CNTN1: variants seen among roughly 807,000 people sequenced by gnomAD.
CNTN1 encodes the protein contactin 1, also known as contactin-1.
CNTN1 carries 38 observed loss-of-function variants against 126.4 expected under a neutral mutation model. That is an observed-to-expected ratio of 0.30 (90% confidence interval 0.23 to 0.39). The LOEUF is 0.39. Ranked by LOEUF, CNTN1 falls within the 10% of genes least tolerant of loss-of-function variation. CNTN1 has a pLI of 1.00. For missense variants in CNTN1, 1,009 were observed against 1,248.4 expected (o/e 0.81, Z 2.89); for synonymous variants, 413 against 422.6 (o/e 0.98, Z 0.28).
intron 14 of CNTN1, among the ~76,000 whole-genome samples, chr12:40,953,547 T>A (rs1226809721): frequency 2.6e-5 from 4 of 152,184 alleles, no homozygotes; most frequent in African/African-American, 9.7e-5. Context: ...GTTTTATTGC[T>A]ACATGTTCAC....
At chr12:40,775,203 A>G (rs1470288105) in intron 1 of CNTN1, among the ~76,000 whole-genome samples, 5 of 151,378 alleles carry the variant, frequency 3.3e-5, no homozygotes, top group African/African-American at 1.2e-4. Flanking sequence ...TATGGAGGAG[A>G]GATTTTAAAA....
intron 23 of CNTN1, among the ~76,000 whole-genome samples, chr12:41,041,509 C>A (rs1050091238): frequency 3.9e-5 from 6 of 152,078 alleles, no homozygotes; most frequent in African/African-American, 1.4e-4. Context: ...TCTCCTTGTA[C>A]CTCTGGTAGA....
chr12:41,046,847 C>CTTTTTTTT (rs56655599), intron 23 of CNTN1, among the ~76,000 whole-genome samples: 173 of 118,932 alleles, frequency 1.5e-3, no homozygotes, highest in East Asian at 2.4e-3. Context: ...TTGCTTATTT[C>CTTTTTTTT]TTTTTTTTTT....
chr12:41,011,312 G>T (rs1004641790), intron 17 of CNTN1, among the ~76,000 whole-genome samples: 3 of 152,158 alleles, frequency 2.0e-5, no homozygotes, highest in Non-Finnish European at 2.9e-5. Flanking sequence ...TAGTAAGAAG[G>T]CCATGCCCTT....
intron 16 of CNTN1, among the ~76,000 whole-genome samples, chr12:40,986,211 C>T (rs1271909821): frequency 6.6e-6 from 1 of 152,170 alleles, no homozygotes; most frequent in East Asian, 1.9e-4. Context: ...TAAAGTCTAG[C>T]TCTGTTGATT....
At chr12:40,794,738 G>A (rs190813325) in intron 1 of CNTN1, among the ~76,000 whole-genome samples, 211 of 151,984 alleles carry the variant, frequency 1.4e-3, no homozygotes, top group Non-Finnish European at 2.4e-3. Context: ...CTTACTTCTA[G>A]TAGCTCCCAT....
chr12:40,845,574 C>T (rs73273561), intron 1 of CNTN1, among the ~76,000 whole-genome samples: 163 of 146,948 alleles, frequency 1.1e-3, no homozygotes, highest in African/African-American at 3.8e-3. Flanking sequence ...GAATAAAGCT[C>T]CTAGATAGCC....
intron 1 of CNTN1, among the ~76,000 whole-genome samples, chr12:40,896,305 C>G: frequency 6.6e-6 from 1 of 151,816 alleles, no homozygotes; most frequent in East Asian, 1.9e-4. Flanking sequence ...TTTTTTCCCT[C>G]TCTCTCAGAA....
intron 23 of CNTN1, among the ~76,000 whole-genome samples, chr12:41,058,633 A>C (rs1390700875): frequency 1.3e-5 from 2 of 152,140 alleles, no homozygotes; most frequent in African/African-American, 4.8e-5. Context: ...AAGAACTTAA[A>C]ATTTCAAGGT....
chr12:40,692,844 G>A (rs2051603563), intron 1 of CNTN1, among the ~76,000 whole-genome samples: 1 of 152,148 alleles, frequency 6.6e-6, no homozygotes, highest in Admixed American at 6.5e-5. Flanking sequence ...AGAGGGCTCC[G>A]AGCTCGGGGT....
chr12:40,797,142 G>A (rs1158833823), intron 1 of CNTN1, among the ~76,000 whole-genome samples: 1 of 152,002 alleles, frequency 6.6e-6, no homozygotes, highest in African/African-American at 2.4e-5. Flanking sequence ...GTGATAAATA[G>A]CAGAGATATG....
chr12:40,780,219 G>C lies in CNTN1; in HGVS notation c.-77+87627G>C, dbSNP rs918766010. Among the ~76,000 whole-genome samples, 3 of 151,858 alleles carry C rather than the reference G, an allele frequency of 2.0e-5. No homozygotes were observed. The South Asian group carries it at 6.2e-4, about 32-fold the overall frequency. The stretch of plus-strand genomic sequence containing the variant: ...TTAAGAAGTTGCTACAATTGTACAG[G>C]ATGATCATGGGAAGCTATGTATCTC... On this transcript the variant is annotated intron_variant, in intron 1 of 23. Transcript: ENST00000551295.
chr12:40,788,962 T>C (rs1208447430), intron 1 of CNTN1, among the ~76,000 whole-genome samples: 2 of 152,194 alleles, frequency 1.3e-5, no homozygotes, highest in Non-Finnish European at 2.9e-5. Context: ...TAGATCTTCA[T>C]TGCTATTTTT....
chr12:40,791,589 C>A (rs1246282034), intron 1 of CNTN1, among the ~76,000 whole-genome samples: 1 of 152,054 alleles, frequency 6.6e-6, no homozygotes, highest in Non-Finnish European at 1.5e-5. Context: ...AGTCATACAC[C>A]TATATTTTAT....
intron 1 of CNTN1, among the ~76,000 whole-genome samples, chr12:40,763,955 T>C (rs191733756): frequency 1.1e-3 from 172 of 152,228 alleles, no homozygotes; most frequent in African/African-American, 3.6e-3. Context: ...ACTTTTCTTA[T>C]AGCATGGGGT....
At position 40,892,955 on chromosome 12, in the gene CNTN1, T is replaced by TGGGC. The variant is rs1555174964; in HGVS notation, c.-76-15399_-76-15398insCGGG. 9.5e-3 allele frequency among the ~76,000 whole-genome samples: 1,276 copies of TGGGC among 134,964 alleles called. 55 individuals are homozygous for TGGGC. The highest frequency in any genetic ancestry group is 0.038 in the African/African-American group (1,205 of 31,416). The allele number at this position is 134,964 out of a possible 152,430, so 88.5% of individuals were successfully genotyped here. On this transcript the variant is annotated intron_variant, in intron 1 of 23. Coordinates refer to ENST00000551295, the MANE Select transcript of CNTN1 (RefSeq NM_001843.4). ...AATGGAACTCAAGAAAAATGAAAACTGGGGGGGGTGAATAAACAAATACAT... is the reference window on the plus strand; with the variant it reads ...AATGGAACTCAAGAAAAATGAAAACTGGGCGGGGGGGGTGAATAAACAAATACAT...
intron 1 of CNTN1, among the ~76,000 whole-genome samples, chr12:40,712,247 A>G (rs1941933844): frequency 6.6e-6 from 1 of 152,058 alleles, no homozygotes; most frequent in Admixed American, 6.6e-5. Context: ...AAAACTTTTG[A>G]TAGTTTGGAT....
chr12:41,033,344 A>C (rs574302148), intron 23 of CNTN1, among the ~76,000 whole-genome samples: 2 of 152,276 alleles, frequency 1.3e-5, no homozygotes, highest in South Asian at 2.1e-4. Flanking sequence ...TATAGCTATA[A>C]TTTTCAATAT....
chr12:40,973,122 A>G (rs917521606), intron 15 of CNTN1, among the ~76,000 whole-genome samples: 2 of 152,100 alleles, frequency 1.3e-5, no homozygotes, highest in Admixed American at 6.6e-5. Flanking sequence ...AGGTTCATTT[A>G]TCTTCCTTTA....
Sources: gnomAD v4.1 joint callset for allele counts (sites outside exome capture counted in the v4.1 genomes callset) on GRCh38, gnomAD v4.1.1 for gene constraint, MANE v1.5 for transcripts, NCBI Gene and HGNC (gene_info 2026-07-23, HGNC 2026-07-21) for gene names.